The following PRKN variants were observed in gnomAD, a reference collection of about 807,000 sequenced individuals.
PRKN encodes E3 ubiquitin-protein ligase parkin.
PRKN carries 56 observed loss-of-function variants against 59.5 expected under a neutral mutation model. The ratio of observed to expected loss-of-function variants is 0.94; its 90% CI spans 0.76 to 1.18. PRKN has a LOEUF of 1.18. Ranked by LOEUF, PRKN falls within the 50% of genes most tolerant of loss-of-function variation. PRKN has a pLI of 0.00. For missense variants in PRKN, 657 were observed against 596.4 expected (o/e 1.10, Z -1.06); for synonymous variants, 250 against 222.1 (o/e 1.13, Z -1.12).
At chr6:162,683,171 G>C (rs571497860) in intron 1 of PRKN, among the ~76,000 whole-genome samples, 1 of 152,114 alleles carries the variant, frequency 6.6e-6, no homozygotes, top group East Asian at 1.9e-4. Context: ...ACAGTGAAGC[G>C]GGGAGGACTT....
intron 7 of PRKN, among the ~76,000 whole-genome samples, chr6:161,773,941 G>A (rs1443238189): frequency 2.0e-5 from 3 of 152,160 alleles, no homozygotes; most frequent in Admixed American, 2.0e-4. Context: ...TGATGCTGCT[G>A]GAGCTGTTTC....
chr6:162,604,696 CCTTT>C (rs1251714764), intron 1 of PRKN, among the ~76,000 whole-genome samples: 4 of 123,010 alleles, frequency 3.3e-5, no homozygotes, highest in Non-Finnish European at 6.6e-5. Context: ...CTTTCTCTCT[CCTTT>C]TTTTTTTTTT....
chr6:161,477,433 T>C (rs555193028), intron 9 of PRKN, among the ~76,000 whole-genome samples: 1 of 148,790 alleles, frequency 6.7e-6, no homozygotes, highest in South Asian at 2.2e-4. Context: ...GGAGAATCGC[T>C]TGAACTCAGG....
At chr6:162,005,680 C>T (rs1297716320) in intron 5 of PRKN, among the ~76,000 whole-genome samples, 1 of 152,074 alleles carries the variant, frequency 6.6e-6, no homozygotes, top group Non-Finnish European at 1.5e-5. Context: ...ATGATAAAAG[C>T]TCCTTAGGCT....
intron 1 of PRKN, among the ~76,000 whole-genome samples, chr6:162,544,834 C>T (rs149095603): frequency 0.015 from 2,332 of 150,556 alleles, 64 homozygotes; most frequent in African/African-American, 0.054. Context: ...TGTGCCACCA[C>T]GCCTGGATAT....
intron 6 of PRKN, among the ~76,000 whole-genome samples, chr6:161,920,404 A>C (rs1477041292): frequency 6.6e-6 from 1 of 151,832 alleles, no homozygotes. Flanking sequence ...AAAGGAAACC[A>C]TAAAACAATG....
At chr6:162,383,624 T>C (rs778455335) in intron 2 of PRKN, among the ~76,000 whole-genome samples, 18 of 152,194 alleles carry the variant, frequency 1.2e-4, no homozygotes, top group Non-Finnish European at 1.0e-4. Context: ...TAAATGAGCA[T>C]TAGCTTCAAC....
chr6:161,595,758 T>C (rs1198189314), intron 7 of PRKN, among the ~76,000 whole-genome samples: 4 of 152,176 alleles, frequency 2.6e-5, no homozygotes, highest in African/African-American at 4.8e-5. Flanking sequence ...TGCAGTGATC[T>C]TTACTATGCC....
chr6:162,691,962 A>G (rs1438176938), intron 1 of PRKN, among the ~76,000 whole-genome samples: 1 of 151,794 alleles, frequency 6.6e-6, no homozygotes, highest in East Asian at 2.0e-4. Flanking sequence ...TAAAATTTTC[A>G]AAAAGGCCAT....
chr6:162,012,551 A>T (rs1583486200), intron 5 of PRKN, among the ~76,000 whole-genome samples: 1 of 152,178 alleles, frequency 6.6e-6, no homozygotes, highest in East Asian at 1.9e-4. Context: ...GAGAATAAAA[A>T]CATTCATTTA....
At chr6:161,957,437 T>TTG (rs1562418360) in intron 6 of PRKN, among the ~76,000 whole-genome samples, 2 of 125,772 alleles carry the variant, frequency 1.6e-5, no homozygotes, top group African/African-American at 7.3e-5. Flanking sequence ...TGTTTGTTTG[T>TTG]TTTTTTGAGC....
At chr6:161,370,521 G>A (rs1250155145) in intron 10 of PRKN, among the ~76,000 whole-genome samples, 19 of 148,748 alleles carry the variant, frequency 1.3e-4, no homozygotes. Flanking sequence ...GAACCTGGGA[G>A]GCAGAGCTTG....
At chr6:162,135,642 C>G (rs1424837136) in intron 4 of PRKN, among the ~76,000 whole-genome samples, 1 of 152,104 alleles carries the variant, frequency 6.6e-6, no homozygotes, top group Non-Finnish European at 1.5e-5. Flanking sequence ...ACTCTTGTCT[C>G]CACGTCAGTG....
intron 4 of PRKN, among the ~76,000 whole-genome samples, chr6:162,134,728 C>T (rs530107187): frequency 6.6e-6 from 1 of 152,172 alleles, no homozygotes; most frequent in South Asian, 2.1e-4. Context: ...TTGACAGCAG[C>T]ATGGAGAATT....
intron 2 of PRKN, among the ~76,000 whole-genome samples, chr6:162,341,483 A>T (rs1784176883): frequency 6.6e-6 from 1 of 152,214 alleles, no homozygotes; most frequent in African/African-American, 2.4e-5. Context: ...CACTGTTCAC[A>T]ATAGCAAAGA....
chr6:161,889,963 T>C (rs1343755931), intron 6 of PRKN, among the ~76,000 whole-genome samples: 1 of 152,126 alleles, frequency 6.6e-6, no homozygotes, highest in African/African-American at 2.4e-5. Flanking sequence ...CCCCATACAT[T>C]TAGTAATCAG....
intron 6 of PRKN, among the ~76,000 whole-genome samples, chr6:161,869,662 G>A (rs575330492): frequency 5.9e-5 from 9 of 152,250 alleles, no homozygotes; most frequent in African/African-American, 2.2e-4. Context: ...CAAACATGCT[G>A]TCCTTGACCC....
Position 161,360,309 on chromosome 6 carries a change from T to C in PRKN, c.1168-104A>G. 1.1e-6 allele frequency: 1 copy of C among 927,686 alleles called. No homozygotes were observed. Among genetic ancestry groups the C allele is most frequent in the Non-Finnish European group, 1.8e-6 (1 of 557,606 alleles). 57.5% of individuals were successfully genotyped at this position (927,686 alleles called of 1,614,324 possible). A position where few individuals can be genotyped will look rare whatever the true frequency, so the allele number is the denominator to read the frequency against. On this transcript the variant is annotated intron_variant, in intron 10 of 11. Transcript: ENST00000366898. This position sits in a 1 kb window ranked among gnomAD's most constrained non-coding sequence, Gnocchi z 5.1. ...TACAGGAAATTCTTGAAGACAGGAG[T>C]GCCTTCGGGCAAGAAGCCTAAATAT...
At chr6:162,568,323 C>A in intron 1 of PRKN, 1 of 320,812 alleles carries the variant, frequency 3.1e-6, no homozygotes, top group South Asian at 4.0e-5. Context: ...AGCTTCTCTG[C>A]TCCTTCTGGA....
Sources: gnomAD v4.1 joint callset for allele counts (sites outside exome capture counted in the v4.1 genomes callset) on GRCh38, gnomAD v4.1.1 for gene constraint, Gnocchi (gnomAD v3.1) non-coding constraint, MANE v1.5 for transcripts, NCBI Gene and HGNC (gene_info 2026-07-23, HGNC 2026-07-21) for gene names.